The following AUTS2 variants were observed in gnomAD, a reference collection of about 807,000 sequenced individuals.
The protein encoded by AUTS2 is activator of transcription and developmental regulator AUTS2, also known as autism susceptibility gene 2 protein.
A neutral mutation model predicts 112.4 loss-of-function variants in AUTS2; 17 were observed. The observed-to-expected ratio is 0.15, with a 90% CI of 0.10 to 0.23. The LOEUF (loss-of-function observed/expected upper bound fraction) is 0.23, where lower values mean the gene tolerates loss of function less well. Ranked by LOEUF, AUTS2 falls within the 10% of genes least tolerant of loss-of-function variation. The pLI, the probability that AUTS2 is intolerant of heterozygous loss-of-function variation, is 1.00. For missense variants in AUTS2, 1,510 were observed against 1,701.6 expected, an observed-to-expected ratio of 0.89 and a Z score of 1.98; for synonymous variants, 751 against 702.7, an observed-to-expected ratio of 1.07 and a Z score of -1.09.
chr7:70,038,331 G>T (rs1801099123), intron 2 of AUTS2, among the ~76,000 whole-genome samples: 1 of 151,834 alleles, frequency 6.6e-6, no homozygotes, highest in Non-Finnish European at 1.5e-5. Flanking sequence ...TAACTTTCTG[G>T]GTTTCCAAAG....
chr7:69,744,411 G>A (rs1787397987), intron 1 of AUTS2, among the ~76,000 whole-genome samples: 1 of 152,114 alleles, frequency 6.6e-6, no homozygotes, highest in Non-Finnish European at 1.5e-5. Flanking sequence ...AACTGACCAA[G>A]GTCTCACAGC....
intron 2 of AUTS2, among the ~76,000 whole-genome samples, chr7:69,905,686 A>G (rs1490120310): frequency 2.0e-5 from 3 of 152,150 alleles, no homozygotes; most frequent in African/African-American, 7.2e-5. Context: ...TGAGACTCAC[A>G]TGCCAATCTC....
chr7:70,693,641 G>A (rs566413285), intron 5 of AUTS2, among the ~76,000 whole-genome samples: 1 of 152,356 alleles, frequency 6.6e-6, no homozygotes, highest in South Asian at 2.1e-4. Flanking sequence ...CCTACTATGT[G>A]CCAGGCCTTT....
At position 70,003,472 on chromosome 7, in the gene AUTS2, T is replaced by G. The variant is rs1584557890; in HGVS notation, c.522+103974T>G. The stretch of plus-strand genomic sequence containing the variant: ...ATATATAATATATATGAATATGTTA[T>G]ATATGAATATATATAATATATATGA... On this transcript the variant is annotated intron_variant, in intron 2 of 18. Coordinates refer to ENST00000342771, the MANE Select transcript of AUTS2 (RefSeq NM_015570.4). Among the ~76,000 whole-genome samples, 3 of 125,482 alleles carry G rather than the reference T, an allele frequency of 2.4e-5. No individual in the cohort carries two copies. In the South Asian group the frequency reaches 7.1e-4, roughly 29 times the overall value. 82.3% of individuals were successfully genotyped at this position (125,482 alleles called of 152,430 possible). A position where few individuals can be genotyped will look rare whatever the true frequency, so the allele number is the denominator to read the frequency against.
intron 4 of AUTS2, among the ~76,000 whole-genome samples, chr7:70,415,625 G>A (rs369566068): frequency 4.6e-5 from 7 of 152,152 alleles, no homozygotes; most frequent in African/African-American, 9.6e-5. Flanking sequence ...AGTGGCTACC[G>A]TAAGTGGCCT....
At chr7:70,515,992 C>T (rs572833934) in intron 5 of AUTS2, among the ~76,000 whole-genome samples, 3 of 152,156 alleles carry the variant, frequency 2.0e-5, no homozygotes, top group Non-Finnish European at 2.9e-5. Flanking sequence ...CCCAAACGAT[C>T]GTTCACCTTC....
At chr7:69,768,674 C>G (rs570456929) in intron 1 of AUTS2, among the ~76,000 whole-genome samples, 29 of 151,950 alleles carry the variant, frequency 1.9e-4, no homozygotes, top group South Asian at 2.1e-4. Flanking sequence ...GAATCCAAGT[C>G]GAATGATAGA....
At chr7:69,659,937 AC>A (rs1419160748) in intron 1 of AUTS2, among the ~76,000 whole-genome samples, 4 of 151,840 alleles carry the variant, frequency 2.6e-5, no homozygotes, top group East Asian at 1.9e-4. Flanking sequence ...TTAGTTGTTA[AC>A]CCTTTTGATC....
In AUTS2 at chr7:70,435,658, A is replaced by T. The variant is rs946292054; in HGVS notation, c.661-94A>T. On this transcript the variant is annotated intron_variant, in intron 4 of 18. Transcript: ENST00000342771. ...TTTTTATTTCCTTTACTTATCTTGCACTTTTTTTGTATGGGGGTTGGGGGA... is the reference window on the plus strand; with the variant it reads ...TTTTTATTTCCTTTACTTATCTTGCTCTTTTTTTGTATGGGGGTTGGGGGA... The T allele has an allele frequency of 2.4e-6, 3 of 1,247,622 alleles. No individual in the cohort carries two copies. In the East Asian group the frequency reaches 7.1e-5, roughly 29 times the overall value. 77.3% of individuals were successfully genotyped at this position (1,247,622 alleles called of 1,614,324 possible). A position where few individuals can be genotyped will look rare whatever the true frequency, so the allele number is the denominator to read the frequency against.
intron 4 of AUTS2, among the ~76,000 whole-genome samples, chr7:70,296,687 C>T (rs1788952535): frequency 6.6e-6 from 1 of 152,034 alleles, no homozygotes; most frequent in Non-Finnish European, 1.5e-5. Flanking sequence ...GATTTTTCAC[C>T]CTTATCAACC....
intron 4 of AUTS2, among the ~76,000 whole-genome samples, chr7:70,347,435 C>G (rs564479716): frequency 6.6e-6 from 1 of 152,306 alleles, no homozygotes; most frequent in East Asian, 1.9e-4. Flanking sequence ...ACAGTAGATG[C>G]TATTTAATGA....
rs570321056 is a variant in AUTS2, at chr7:70,358,584, T to C, written c.661-77168T>C. 2.6e-5 allele frequency among the ~76,000 whole-genome samples: 4 copies of C among 152,350 alleles called. No individual in the cohort carries two copies. The South Asian group carries it at 8.3e-4, about 32-fold the overall frequency. On this transcript the variant is annotated intron_variant, in intron 4 of 18. Transcript: ENST00000342771. Reference sequence around the variant, plus strand: ...GGCTTCCAGGGTAGGAACCTGCCTATGCAGGCCCTAGAAGCAGCTTAGGCC... The same window carrying C: ...GGCTTCCAGGGTAGGAACCTGCCTACGCAGGCCCTAGAAGCAGCTTAGGCC...
intron 2 of AUTS2, among the ~76,000 whole-genome samples, chr7:69,913,228 G>A (rs529998607): frequency 5.9e-5 from 9 of 152,168 alleles, no homozygotes; most frequent in African/African-American, 2.2e-4. Flanking sequence ...AAGTTTTTAT[G>A]ATCTTTTTCC....
At chr7:69,867,528 G>T (rs558207645) in intron 1 of AUTS2, among the ~76,000 whole-genome samples, 1 of 151,924 alleles carries the variant, frequency 6.6e-6, no homozygotes, top group Non-Finnish European at 1.5e-5. Flanking sequence ...TTCCCTTTTT[G>T]GTTTCCCCAG....
At chr7:70,110,626 G>A (rs1356369814) in intron 2 of AUTS2, among the ~76,000 whole-genome samples, 1 of 152,100 alleles carries the variant, frequency 6.6e-6, no homozygotes, top group Non-Finnish European at 1.5e-5. Flanking sequence ...GCAGCTGGAA[G>A]CACTTCAGTC....
chr7:70,735,378 C>A (rs529341860), intron 6 of AUTS2, among the ~76,000 whole-genome samples: 1 of 152,152 alleles, frequency 6.6e-6, no homozygotes, highest in African/African-American at 2.4e-5. Context: ...TTTGAAGTTA[C>A]AACAGTCATT....
At chr7:70,781,863 A>T (rs1791108488) in intron 15 of AUTS2, 107 bp downstream of exon 15, 3 of 1,420,240 alleles carry the variant, frequency 2.1e-6, no homozygotes, top group Admixed American at 2.3e-5. Flanking sequence ...CACCTACAAA[A>T]ATACAGTTAA....
At chr7:70,459,537 G>T (rs973794961) in intron 5 of AUTS2, among the ~76,000 whole-genome samples, 1 of 152,154 alleles carries the variant, frequency 6.6e-6, no homozygotes. Flanking sequence ...AAAACTCCTG[G>T]CTGGCTGTGT....
At chr7:70,074,167 T>G (rs1802915813) in intron 2 of AUTS2, among the ~76,000 whole-genome samples, 1 of 152,222 alleles carries the variant, frequency 6.6e-6, no homozygotes, top group South Asian at 2.1e-4. Context: ...TTATGCATCT[T>G]TACAAAATAT....
Sources: gnomAD v4.1 joint callset for allele counts (sites outside exome capture counted in the v4.1 genomes callset) on GRCh38, gnomAD v4.1.1 for gene constraint, MANE v1.5 for transcripts, NCBI Gene and HGNC (gene_info 2026-07-23, HGNC 2026-07-21) for gene names.